DOCK3: variants seen among roughly 807,000 people sequenced by gnomAD.
The protein encoded by DOCK3 is dedicator of cytokinesis 3.
Under a neutral mutation model 265.6 loss-of-function variants are expected in DOCK3, and 60 were observed. The observed-to-expected ratio is 0.23, with a 90% CI of 0.18 to 0.28. DOCK3 has a LOEUF of 0.28. Ranked by LOEUF, DOCK3 falls within the 10% of genes least tolerant of loss-of-function variation. The pLI is 1.00. For synonymous variants in DOCK3, 881 were observed against 938.0 expected, an observed-to-expected ratio of 0.94 and a Z score of 1.11; for missense variants, 1,981 against 2,594.3, an observed-to-expected ratio of 0.76 and a Z score of 5.14.
At chr3:50,717,913 C>T (rs2037227917) in intron 1 of DOCK3, among the ~76,000 whole-genome samples, 1 of 152,226 alleles carries the variant, frequency 6.6e-6, no homozygotes, top group South Asian at 2.1e-4. Flanking sequence ...GCATGAGCCA[C>T]TGCACCTGGC....
chr3:51,287,623 AAGTC>A (rs1231289909), intron 27 of DOCK3, among the ~76,000 whole-genome samples: 4 of 152,216 alleles, frequency 2.6e-5, no homozygotes, highest in African/African-American at 9.7e-5. Flanking sequence ...AAAAAATTAA[AAGTC>A]AAAAAATAAC....
In DOCK3 at chr3:51,243,659, G is replaced by A. The variant is rs559989826; in HGVS notation, c.2103-3067G>A. Among the ~76,000 whole-genome samples the A allele has an allele frequency of 5.9e-5, 9 of 152,188 alleles. No individual in the cohort carries two copies. In the South Asian group the frequency reaches 1.7e-3, roughly 28 times the overall value. Reference sequence around the variant, plus strand: ...TATAAATATTTTTCCCAGTCACTTGGTTGCCTTTTCACTCTGTTGATTGTG... The same window carrying A: ...TATAAATATTTTTCCCAGTCACTTGATTGCCTTTTCACTCTGTTGATTGTG... On this transcript the variant is annotated intron_variant, in intron 21 of 52. Coordinates refer to ENST00000266037, the MANE Select transcript of DOCK3 (RefSeq NM_004947.5).
intron 10 of DOCK3, among the ~76,000 whole-genome samples, chr3:51,155,079 A>C (rs2107455513): frequency 6.6e-6 from 1 of 152,182 alleles, no homozygotes; most frequent in East Asian, 1.9e-4. Context: ...TTTGGGCTCT[A>C]AGCAATCCTC....
At chr3:50,859,676 G>T (rs1468089008) in intron 3 of DOCK3, among the ~76,000 whole-genome samples, 4 of 152,094 alleles carry the variant, frequency 2.6e-5, no homozygotes, top group African/African-American at 9.7e-5. Flanking sequence ...TTGTGTGGGG[G>T]TTTTATTTGA....
chr3:51,302,490 A>G (rs1178144143), intron 27 of DOCK3, among the ~76,000 whole-genome samples: 1 of 151,362 alleles, frequency 6.6e-6, no homozygotes, highest in African/African-American at 2.4e-5. Flanking sequence ...ATTATTTTGC[A>G]GACTTGTTGA....
intron 4 of DOCK3, among the ~76,000 whole-genome samples, chr3:50,903,907 C>CT (rs2049333529): frequency 1.3e-5 from 2 of 152,086 alleles, no homozygotes; most frequent in African/African-American, 4.8e-5. Context: ...AATGATATCT[C>CT]TCCCCACTCC....
At chr3:51,081,615 G>A (rs917904688) in intron 7 of DOCK3, among the ~76,000 whole-genome samples, 1 of 152,082 alleles carries the variant, frequency 6.6e-6, no homozygotes, top group African/African-American at 2.4e-5. Flanking sequence ...TCAAAACTAG[G>A]CCGGTCATGG....
chr3:50,886,498 G>T (rs1272624792), intron 3 of DOCK3, among the ~76,000 whole-genome samples: 1 of 151,262 alleles, frequency 6.6e-6, no homozygotes, highest in African/African-American at 2.4e-5. Context: ...ATGCTGGTGC[G>T]CTGCACCCAC....
intron 5 of DOCK3, among the ~76,000 whole-genome samples, chr3:50,963,870 A>C (rs2076955751): frequency 6.6e-6 from 1 of 152,200 alleles, no homozygotes; most frequent in Non-Finnish European, 1.5e-5. Context: ...AGTTGGCCGG[A>C]CACAGTACTG....
intron 8 of DOCK3, 146 bp downstream of exon 8, chr3:51,089,430 C>T: frequency 1.1e-6 from 1 of 935,042 alleles, no homozygotes; most frequent in South Asian, 1.8e-5. Context: ...GACCTCTAAA[C>T]AGTTTTGGCC....
intron 3 of DOCK3, among the ~76,000 whole-genome samples, chr3:50,878,802 G>C (rs537879420): frequency 6.6e-6 from 1 of 152,240 alleles, no homozygotes; most frequent in East Asian, 1.9e-4. Context: ...TCCTCGAGAA[G>C]AGCAACTCCA....
At chr3:51,223,031 G>A (rs531597429) in intron 14 of DOCK3, among the ~76,000 whole-genome samples, 6 of 152,020 alleles carry the variant, frequency 3.9e-5, no homozygotes, top group Non-Finnish European at 5.9e-5. Context: ...CTCAAACTCC[G>A]GGGCTCAAGC....
chr3:51,183,280 C>T (rs896064611), intron 12 of DOCK3, among the ~76,000 whole-genome samples: 2 of 152,160 alleles, frequency 1.3e-5, no homozygotes, highest in Non-Finnish European at 2.9e-5. Context: ...TTGCATGTGC[C>T]TAACATTGTA....
At chr3:50,681,055 C>G (rs2034370642) in intron 1 of DOCK3, among the ~76,000 whole-genome samples, 1 of 152,094 alleles carries the variant, frequency 6.6e-6, no homozygotes, top group South Asian at 2.1e-4. Context: ...TGTCCTGAAG[C>G]ATTTTCCCTA....
chr3:50,801,452 T>C (rs1181927425), intron 2 of DOCK3, among the ~76,000 whole-genome samples: 1 of 151,718 alleles, frequency 6.6e-6, no homozygotes, highest in African/African-American at 2.4e-5. Context: ...TTGGAAGGAG[T>C]CAGGGTGGAG....
Position 50,883,545 on chromosome 3 carries a change from C to G in DOCK3, c.163-6481C>G, listed in dbSNP as rs540218950. The stretch of plus-strand genomic sequence containing the variant: ...AGGGTATTTCTGTTGATGACAAATT[C>G]TTTTTGTTTTCCTTCATCTGAAAAT... On this transcript the variant is annotated intron_variant, in intron 3 of 52. Transcript: ENST00000266037. Among the ~76,000 whole-genome samples the G allele has an allele frequency of 7.9e-5, 12 of 151,752 alleles. 1 individual carries two copies. In the South Asian group the frequency reaches 2.5e-3, roughly 32 times the overall value.
intron 9 of DOCK3, among the ~76,000 whole-genome samples, chr3:51,145,085 C>T (rs945707173): frequency 4.6e-5 from 7 of 152,048 alleles, no homozygotes; most frequent in African/African-American, 1.4e-4. Flanking sequence ...CCTGAAATTA[C>T]GTATATTATT....
At chr3:50,866,083 G>A (rs964477293) in intron 3 of DOCK3, among the ~76,000 whole-genome samples, 3 of 151,914 alleles carry the variant, frequency 2.0e-5, no homozygotes, top group African/African-American at 4.8e-5. Flanking sequence ...TGGGTTGTTT[G>A]TTCATTTCGT....
chr3:51,249,696 G>A (rs2079087885), intron 22 of DOCK3, among the ~76,000 whole-genome samples: 1 of 128,368 alleles, frequency 7.8e-6, no homozygotes. Flanking sequence ...TCCGGGAGGT[G>A]AGGGGCGCCT....
Sources: gnomAD v4.1 joint callset for allele counts (sites outside exome capture counted in the v4.1 genomes callset) on GRCh38, gnomAD v4.1.1 for gene constraint, MANE v1.5 for transcripts, NCBI Gene and HGNC (gene_info 2026-07-23, HGNC 2026-07-21) for gene names.